DPYSL2: variants seen among roughly 807,000 people sequenced by gnomAD.
The protein encoded by DPYSL2 is dihydropyrimidinase like 2, also known as dihydropyrimidinase-related protein 2.
DPYSL2 carries 13 observed loss-of-function variants against 69.9 expected under a neutral mutation model. The ratio of observed to expected loss-of-function variants is 0.19; its 90% CI spans 0.12 to 0.30. The LOEUF is 0.30. DPYSL2 is among the 10% of genes least tolerant of loss of function. The pLI is 1.00. For missense variants in DPYSL2, 587 were observed against 918.9 expected (o/e 0.64, Z 4.67); for synonymous variants, 326 against 359.1 (o/e 0.91, Z 1.04).
intron 1 of DPYSL2, among the ~76,000 whole-genome samples, chr8:26,572,684 G>C (rs1801259030): frequency 6.6e-6 from 1 of 152,120 alleles, no homozygotes; most frequent in Admixed American, 6.6e-5. Flanking sequence ...ATTTTTAGTA[G>C]AGATGGGGTT....
Position 26,653,250 on chromosome 8 carries a change from G to C in DPYSL2, c.1795G>C (p.Val599Leu). ...TTTGCAGCTGGCTGAGCTGAGAGGG[G>C]TTCCTCGTGGCCTGTATGACGGACC... The part of the protein sequence containing the change: ...ARSRLAELRG[V>L]PRGLYDGPVC... Residue 599 changes from valine (V) to leucine (L), a missense_variant, in exon 13 of 14, where the codon GTT (valine) becomes CTT (leucine). Coordinates refer to ENST00000521913, the MANE Select transcript of DPYSL2 (RefSeq NM_001197293.3). This position sits in a 1 kb window ranked among gnomAD's most constrained non-coding sequence, Gnocchi z 5.7. 2 of 1,613,980 alleles carry C rather than the reference G, an allele frequency of 1.2e-6. No homozygotes were observed. The highest frequency in any genetic ancestry group is 1.7e-6 in the Non-Finnish European group (2 of 1,179,906).
At position 26,585,745 on chromosome 8, in the gene DPYSL2, C is replaced by T. The variant is rs757129676; in HGVS notation, c.628+1762C>T. Among the ~76,000 whole-genome samples, 97 of 152,146 alleles carry T rather than the reference C, an allele frequency of 6.4e-4. 1 individual carries two copies. The highest frequency in any genetic ancestry group is 2.2e-4 in the Non-Finnish European group (15 of 68,026). ...AGGCCAAGTCAGGGTGATCATCTGC[C>T]TCAGTTTGGAGTTCACAGGGAGACC... On this transcript the variant is annotated intron_variant, in intron 3 of 13. Transcript: ENST00000521913. The surrounding 1 kb of genome is among the most constrained non-coding windows in gnomAD (Gnocchi z 4.0).
chr8:26,544,145 C>A (rs1288720353), intron 1 of DPYSL2, among the ~76,000 whole-genome samples: 1 of 152,190 alleles, frequency 6.6e-6, no homozygotes, highest in East Asian at 1.9e-4. Flanking sequence ...ATGCTGGCGA[C>A]CTCTTTAACA....
Position 26,623,986 on chromosome 8 carries a change from C to T in DPYSL2, c.629-157C>T, listed in dbSNP as rs570688322. The stretch of plus-strand genomic sequence containing the variant: ...TTCTGCTTTCTCCCTCTTGGATAAT[C>T]AGCTGGGTTACATGGATTCTTAGAA... On this transcript the variant is annotated intron_variant, in intron 3 of 13. Coordinates refer to ENST00000521913, the MANE Select transcript of DPYSL2 (RefSeq NM_001197293.3). The T allele has an allele frequency of 1.8e-5, 13 of 738,868 alleles. No individual in the cohort carries two copies. The East Asian group carries it at 3.0e-4, about 17-fold the overall frequency. The allele number at this position is 738,868 out of a possible 1,614,324, so 45.8% of individuals were successfully genotyped here.
In DPYSL2 at chr8:26,587,282, A is replaced by G. The variant is rs1801627996; in HGVS notation, c.628+3299A>G. ...GCCTGGGGCACTTTGAAAACTTCAC[A>G]GGCCCACTGCTGCTTGCTGAAATAA... On this transcript the variant is annotated intron_variant, in intron 3 of 13. Coordinates refer to ENST00000521913, the MANE Select transcript of DPYSL2 (RefSeq NM_001197293.3). This position sits in a 1 kb window ranked among gnomAD's most constrained non-coding sequence, Gnocchi z 4.2. 6.6e-6 allele frequency among the ~76,000 whole-genome samples: 1 copy of G among 152,194 alleles called. No individual in the cohort carries two copies. The highest frequency in any genetic ancestry group is 1.5e-5 in the Non-Finnish European group (1 of 68,040).
intron 1 of DPYSL2, chr8:26,577,173 C>G: frequency 6.7e-6 from 3 of 446,178 alleles, no homozygotes; most frequent in South Asian, 3.1e-5. Flanking sequence ...TCCTGCAGCC[C>G]GGCGCCTCCA....
rs1011684866 is a variant in DPYSL2 at position 26,535,635 on chromosome 8, A to ATT, written c.354+20965_354+20966dup. Among the ~76,000 whole-genome samples the ATT allele has an allele frequency of 1.8e-3, 263 of 145,918 alleles. 3 individuals are homozygous for ATT. The highest frequency in any genetic ancestry group is 7.3e-3 in the Middle Eastern group (2 of 274). The stretch of plus-strand genomic sequence containing the variant: ...CAGACTGATATATATATATATATAT[A>ATT]TTTTTTTTTTCAGTGTAGGGAGCAT... On this transcript the variant is annotated intron_variant, in intron 1 of 13. Coordinates refer to ENST00000521913, the MANE Select transcript of DPYSL2 (RefSeq NM_001197293.3).
rs1226595110 is a variant in DPYSL2 at position 26,654,310 on chromosome 8, G to A, written c.1942+913G>A. On this transcript the variant is annotated intron_variant, in intron 13 of 13. Coordinates refer to ENST00000521913, the MANE Select transcript of DPYSL2 (RefSeq NM_001197293.3). This position sits in a 1 kb window ranked among gnomAD's most constrained non-coding sequence, Gnocchi z 5.0. ...AGGGTTCAGATTTTTAAGTTTCCTTGCTTGAAACTTCTTTCCCATCTTTCA... is the reference window on the plus strand; with the variant it reads ...AGGGTTCAGATTTTTAAGTTTCCTTACTTGAAACTTCTTTCCCATCTTTCA... Among the ~76,000 whole-genome samples, 5 of 152,140 alleles carry A rather than the reference G, an allele frequency of 3.3e-5. No individual in the cohort carries two copies. Among genetic ancestry groups the A allele is most frequent in the Admixed American group, 3.3e-4 (5 of 15,280 alleles).
At chr8:26,581,809 T>G (rs566087537) in intron 1 of DPYSL2, among the ~76,000 whole-genome samples, 160 bp from the exon 2 acceptor site, 1 of 152,294 alleles carries the variant, frequency 6.6e-6, no homozygotes, top group South Asian at 2.1e-4. Context: ...ATGAATAGGT[T>G]GCCACATACA....
chr8:26,563,202 A>G (rs919948033), intron 1 of DPYSL2, among the ~76,000 whole-genome samples: 1 of 152,104 alleles, frequency 6.6e-6, no homozygotes, highest in African/African-American at 2.4e-5. Context: ...GCTCATGTCT[A>G]TCACTCTCTC....
intron 1 of DPYSL2, among the ~76,000 whole-genome samples, chr8:26,556,475 A>C (rs1800989602): frequency 7.5e-6 from 1 of 132,942 alleles, no homozygotes; most frequent in Non-Finnish European, 1.6e-5. Flanking sequence ...GGAACTATTA[A>C]ATGATTATAT....
intron 1 of DPYSL2, among the ~76,000 whole-genome samples, chr8:26,575,604 T>C (rs558213127): frequency 2.0e-5 from 3 of 152,354 alleles, no homozygotes; most frequent in South Asian, 4.1e-4. Flanking sequence ...ACGTCAGTTA[T>C]TATGGACTAA....
chr8:26,554,817 A>C (rs768642446), intron 1 of DPYSL2, among the ~76,000 whole-genome samples: 1 of 152,190 alleles, frequency 6.6e-6, no homozygotes, highest in Non-Finnish European at 1.5e-5. Context: ...AGGCATTATA[A>C]GAAAAGAAAT....
At chr8:26,596,020 T>C (rs1176868558) in intron 3 of DPYSL2, among the ~76,000 whole-genome samples, 3 of 151,980 alleles carry the variant, frequency 2.0e-5, no homozygotes, top group Non-Finnish European at 4.4e-5. Flanking sequence ...GCTGCAGAAA[T>C]CACAGGGGAT....
At position 26,564,982 on chromosome 8, in the gene DPYSL2, A is replaced by G. The variant is rs946700346; in HGVS notation, c.355-16987A>G. Among the ~76,000 whole-genome samples the G allele has an allele frequency of 2.6e-5, 4 of 152,034 alleles. No individual in the cohort carries two copies. The highest frequency in any genetic ancestry group is 7.3e-5 in the African/African-American group (3 of 41,364). On this transcript the variant is annotated intron_variant, in intron 1 of 13. Transcript: ENST00000521913. The surrounding 1 kb of genome is among the most constrained non-coding windows in gnomAD (Gnocchi z 4.8). ...TATATCACTCTGTATGCCTTTGTGT[A>G]TTCATAGCTTAGCTCCCTCTTATAA...
chr8:26,551,981 T>C (rs1800881054), intron 1 of DPYSL2, among the ~76,000 whole-genome samples: 1 of 152,086 alleles, frequency 6.6e-6, no homozygotes, highest in African/African-American at 2.4e-5. Flanking sequence ...GCCTGGCTAA[T>C]TTTTAAATTT....
At chr8:26,601,522 T>C (rs1801992694) in intron 3 of DPYSL2, among the ~76,000 whole-genome samples, 1 of 152,054 alleles carries the variant, frequency 6.6e-6, no homozygotes, top group South Asian at 2.1e-4. Flanking sequence ...GGACTACAGG[T>C]GCCCGCCAAC....
chr8:26,636,852 C>T (rs868595672), intron 8 of DPYSL2, among the ~76,000 whole-genome samples: 8 of 152,264 alleles, frequency 5.3e-5, no homozygotes, highest in East Asian at 3.9e-4. Flanking sequence ...GCGATTCTCC[C>T]GCCTCAGCCT....
At chr8:26,577,445 A>G (rs1801377380) in intron 1 of DPYSL2, 1 of 149,262 alleles carries the variant, frequency 6.7e-6, no homozygotes, top group South Asian at 2.1e-4. Context: ...CCGGCGGTGC[A>G]GTCGCGCGCT....
Sources: gnomAD v4.1 joint callset for allele counts (sites outside exome capture counted in the v4.1 genomes callset) on GRCh38, gnomAD v4.1.1 for gene constraint, Gnocchi (gnomAD v3.1) non-coding constraint, MANE v1.5 for transcripts, NCBI Gene and HGNC (gene_info 2026-07-23, HGNC 2026-07-21) for gene names.